LDLRAD4: variants seen among roughly 807,000 people sequenced by gnomAD.
LDLRAD4 encodes the protein low density lipoprotein receptor class A domain containing 4.
In LDLRAD4, 5 loss-of-function variants were observed where a neutral mutation model predicts 17.0. That is an observed-to-expected ratio of 0.29 (90% CI 0.15 to 0.62). The LOEUF (loss-of-function observed/expected upper bound fraction) is 0.62, where lower values mean the gene tolerates loss of function less well. LDLRAD4 is among the 20% of genes least tolerant of loss of function. The probability of loss-of-function intolerance (pLI) is 0.84; values close to 1 mark genes in which losing one functional copy is unlikely to be tolerated. For synonymous variants in LDLRAD4, 168 were observed against 171.8 expected (o/e 0.98, Z 0.17); for missense variants, 340 against 424.7 (o/e 0.80, Z 1.75).
intron 3 of LDLRAD4, among the ~76,000 whole-genome samples, chr18:13,462,515 G>A (rs1021619138): frequency 6.6e-6 from 1 of 152,154 alleles, no homozygotes; most frequent in Non-Finnish European, 1.5e-5. Flanking sequence ...TCTACATAGG[G>A]CTGTGAGACA....
intron 2 of LDLRAD4, among the ~76,000 whole-genome samples, chr18:13,431,494 T>G (rs1298111652): frequency 2.6e-5 from 4 of 152,214 alleles, no homozygotes; most frequent in Non-Finnish European, 4.4e-5. Context: ...GATGGAAAGT[T>G]GGGTGATTTG....
intron 5 of LDLRAD4, among the ~76,000 whole-genome samples, chr18:13,643,694 A>G (rs2042821216): frequency 6.6e-6 from 1 of 152,282 alleles, no homozygotes; most frequent in African/African-American, 2.4e-5. Flanking sequence ...GTGCCTTGGC[A>G]AGTGGGCATG....
chr18:13,443,409 A>C (rs984774163), intron 3 of LDLRAD4, among the ~76,000 whole-genome samples: 1 of 152,192 alleles, frequency 6.6e-6, no homozygotes, highest in Non-Finnish European at 1.5e-5. Flanking sequence ...TAACCTGTGC[A>C]TAACCTGGGC....
intron 3 of LDLRAD4, among the ~76,000 whole-genome samples, chr18:13,446,431 G>T (rs983292079): frequency 6.6e-6 from 1 of 152,192 alleles, no homozygotes; most frequent in African/African-American, 2.4e-5. Flanking sequence ...CACAGAGGAT[G>T]ATTGTTTTCA....
intron 1 of LDLRAD4, among the ~76,000 whole-genome samples, chr18:13,280,687 TCAGA>T (rs1397432766): frequency 1.3e-5 from 2 of 152,322 alleles, no homozygotes; most frequent in Admixed American, 6.5e-5. Flanking sequence ...CAATGCAACC[TCAGA>T]CTGAGATCTG....
At chr18:13,433,951 C>T (rs561094750) in intron 2 of LDLRAD4, among the ~76,000 whole-genome samples, 10 of 152,262 alleles carry the variant, frequency 6.6e-5, no homozygotes, top group Non-Finnish European at 1.3e-4. Context: ...ATGGAAATCT[C>T]GGGTTTTATG....
intron 1 of LDLRAD4, among the ~76,000 whole-genome samples, chr18:13,324,310 C>T (rs760086594): frequency 1.2e-4 from 15 of 126,946 alleles, no homozygotes; most frequent in Non-Finnish European, 1.6e-4. Context: ...GCTAATTTTT[C>T]GTATTTTTTT....
intron 1 of LDLRAD4, among the ~76,000 whole-genome samples, chr18:13,360,517 GATTCCTGGATTTTTAGGTCA>G (rs773768596): frequency 1.4e-4 from 21 of 151,630 alleles, no homozygotes; most frequent in Non-Finnish European, 2.6e-4. Context: ...TATGACAAAA[GATTCCTGGATTTTTAGGTCA>G]ATGGAATTTC....
At chr18:13,237,635 G>A (rs545297432) in intron 1 of LDLRAD4, among the ~76,000 whole-genome samples, 1 of 152,244 alleles carries the variant, frequency 6.6e-6, no homozygotes, top group East Asian at 1.9e-4. Flanking sequence ...ATTGTCCCCC[G>A]AGCAACCAAA....
intron 3 of LDLRAD4, among the ~76,000 whole-genome samples, chr18:13,506,903 G>A (rs956362449): frequency 1.3e-5 from 2 of 152,206 alleles, no homozygotes; most frequent in African/African-American, 4.8e-5. Flanking sequence ...TAGCTGTGAA[G>A]TCTGCAGTTT....
chr18:13,325,309 G>A (rs2081459018), intron 1 of LDLRAD4, among the ~76,000 whole-genome samples: 1 of 152,160 alleles, frequency 6.6e-6, no homozygotes, highest in South Asian at 2.1e-4. Flanking sequence ...ACTTCTCAGG[G>A]AGGCCAACAG....
At chr18:13,298,287 A>G (rs187409392) in intron 1 of LDLRAD4, among the ~76,000 whole-genome samples, 3 of 152,164 alleles carry the variant, frequency 2.0e-5, no homozygotes, top group African/African-American at 2.4e-5. Context: ...GAAATGCACA[A>G]TGTTGGAGCT....
At chr18:13,461,924 G>A (rs1353532565) in intron 3 of LDLRAD4, among the ~76,000 whole-genome samples, 1 of 152,200 alleles carries the variant, frequency 6.6e-6, no homozygotes, top group African/African-American at 2.4e-5. Flanking sequence ...AAGTGGGAGG[G>A]GGCAGGGTTG....
chr18:13,494,262 AT>A (rs2093416114), intron 3 of LDLRAD4, among the ~76,000 whole-genome samples: 1 of 152,160 alleles, frequency 6.6e-6, no homozygotes, highest in South Asian at 2.1e-4. Flanking sequence ...AGGAAATAAA[AT>A]CTTCATTCAA....
At chr18:13,405,066 G>T (rs1048979497) in intron 2 of LDLRAD4, among the ~76,000 whole-genome samples, 1 of 151,846 alleles carries the variant, frequency 6.6e-6, no homozygotes, top group Non-Finnish European at 1.5e-5. Context: ...AAGGGAAGCT[G>T]CACGTTTGCT....
intron 3 of LDLRAD4, chr18:13,611,594 T>C (rs2039564591): frequency 1.0e-6 from 1 of 985,414 alleles, no homozygotes. Context: ...CTGAGACATG[T>C]CTCTGCTTTC....
rs559889700 is a variant in LDLRAD4 at position 13,265,314 on chromosome 18, C to T, written c.-466-12791C>T. Among the ~76,000 whole-genome samples the T allele has an allele frequency of 7.9e-5, 12 of 152,276 alleles. No homozygotes were observed. The South Asian group carries it at 2.1e-3, about 26-fold the overall frequency. Reference sequence around the variant, plus strand: ...TAGTGGCAGGGCTGACCTGTCACTGCGTAGCTTTGAAGGTCAACGCCAAAC... The same window carrying T: ...TAGTGGCAGGGCTGACCTGTCACTGTGTAGCTTTGAAGGTCAACGCCAAAC... On this transcript the variant is annotated intron_variant, in intron 1 of 5. Transcript: ENST00000399848.
intron 1 of LDLRAD4, among the ~76,000 whole-genome samples, chr18:13,377,160 T>C (rs1312516751): frequency 6.6e-6 from 1 of 152,246 alleles, no homozygotes; most frequent in Non-Finnish European, 1.5e-5. Flanking sequence ...AGAGCTCCTC[T>C]GTCACACTCT....
exon 6 of LDLRAD4, chr18:13,650,170 A>G: frequency 2.5e-6 from 1 of 399,124 alleles, no homozygotes; most frequent in East Asian, 3.6e-5. Flanking sequence ...CCAATATTTC[A>G]GCATTCTTTA....
Sources: gnomAD v4.1 joint callset for allele counts (sites outside exome capture counted in the v4.1 genomes callset) on GRCh38, gnomAD v4.1.1 for gene constraint, MANE v1.5 for transcripts, NCBI Gene and HGNC (gene_info 2026-07-23, HGNC 2026-07-21) for gene names.